TNC: variants seen among roughly 807,000 people sequenced by gnomAD.
The protein encoded by TNC is tenascin C, also known as tenascin.
Under a neutral mutation model 202.4 loss-of-function variants are expected in TNC, and 109 were observed. The observed-to-expected ratio is 0.54, with a 90% confidence interval of 0.46 to 0.63. TNC has a LOEUF of 0.63. TNC is among the 30% of genes least tolerant of loss of function. The probability of loss-of-function intolerance (pLI) is 0.00; values close to 1 mark genes in which losing one functional copy is unlikely to be tolerated. For synonymous variants in TNC, 1,007 were observed against 1,089.7 expected (o/e 0.92, Z 1.50); for missense variants, 2,756 against 2,833.3 (o/e 0.97, Z 0.62).
At position 115,079,588 on chromosome 9, in the gene TNC, G is replaced by A. The variant is rs558392983; in HGVS notation, c.2405-1376C>T. Among the ~76,000 whole-genome samples, 3 of 152,318 alleles carry A rather than the reference G, an allele frequency of 2.0e-5. No individual in the cohort carries two copies. In the East Asian group the frequency reaches 5.8e-4, roughly 29 times the overall value. ...CTAGATTTGGGACCCTTGAATAGCAGAAACTAACAATGCTCTGTATTTATC... is the reference window on the plus strand; with the variant it reads ...CTAGATTTGGGACCCTTGAATAGCAAAAACTAACAATGCTCTGTATTTATC... On this transcript the variant is annotated intron_variant, in intron 6 of 27. Coordinates refer to ENST00000350763, the MANE Select transcript of TNC (RefSeq NM_002160.4).
rs901278565 is a variant in TNC at position 115,044,253 on chromosome 9, A to G, written c.5126-1912T>C. Among the ~76,000 whole-genome samples the G allele has an allele frequency of 1.9e-4, 27 of 140,662 alleles. 5 individuals carry two copies. Among genetic ancestry groups the G allele is most frequent in the Admixed American group, 1.9e-3 (27 of 14,080 alleles). 92.3% of individuals were successfully genotyped at this position (140,662 alleles called of 152,430 possible). A position where few individuals can be genotyped will look rare whatever the true frequency, so the allele number is the denominator to read the frequency against. On this transcript the variant is annotated intron_variant, in intron 17 of 27. Transcript: ENST00000350763. Reference sequence around the variant, plus strand: ...GTATGAGGGAGGAAGAGAGGAGAGGAGAAAGGATTAAAAAAAAAAAACAAA... The same window carrying G: ...GTATGAGGGAGGAAGAGAGGAGAGGGGAAAGGATTAAAAAAAAAAAACAAA...
In TNC at chr9:115,057,336, C is replaced by G. The variant is rs146044349; in HGVS notation, c.4396G>C (p.Glu1466Gln). 1.9e-6 allele frequency: 3 copies of G among 1,613,944 alleles called. No homozygotes were observed. The highest frequency in any genetic ancestry group is 2.7e-5 in the African/African-American group (2 of 74,880). The part of the protein sequence containing the change: ...LSWMATDGIF[E>Q]TFTIEIIDSN... ...TCAATAATTTCAATGGTAAAGGTCT[C>G]GAAGATCCCATCGGTAGCCATCCAG... The change falls in exon 15 of 28, where the codon GAG becomes CAG. Residue 1466 changes from glutamate to glutamine, a missense_variant. Transcript: ENST00000350763.
intron 1 of TNC, among the ~76,000 whole-genome samples, chr9:115,113,058 T>C (rs1479172376): frequency 1.3e-5 from 2 of 152,226 alleles, no homozygotes; most frequent in Non-Finnish European, 2.9e-5. Flanking sequence ...ATGGGTCACA[T>C]GCTAATCATT....
At chr9:115,057,122 G>A (rs754643441) in intron 15 of TNC, 31 bp downstream of exon 15, 9 of 1,584,644 alleles carry the variant, frequency 5.7e-6, no homozygotes, top group Non-Finnish European at 5.1e-6. Context: ...TGTGGAGAGA[G>A]TGCGTTAGAA....
intron 1 of TNC, among the ~76,000 whole-genome samples, chr9:115,110,424 G>A (rs1435854756): frequency 6.8e-6 from 1 of 147,736 alleles, no homozygotes; most frequent in East Asian, 1.9e-4. Flanking sequence ...CTGGGTTGCT[G>A]GGGGCCAGTG....
intron 1 of TNC, among the ~76,000 whole-genome samples, chr9:115,099,244 T>C (rs183627463): frequency 1.3e-5 from 2 of 152,274 alleles, no homozygotes; most frequent in East Asian, 1.9e-4. Flanking sequence ...GAACGGGCTA[T>C]GGGATAGCCT....
chr9:115,100,113 T>A (rs1362596745), intron 1 of TNC, among the ~76,000 whole-genome samples: 1 of 152,188 alleles, frequency 6.6e-6, no homozygotes, highest in African/African-American at 2.4e-5. Context: ...GCCAGGGCTT[T>A]CTACTGAATA....
At chr9:115,104,553 C>T (rs1014784807) in intron 1 of TNC, among the ~76,000 whole-genome samples, 3 of 152,316 alleles carry the variant, frequency 2.0e-5, no homozygotes, top group African/African-American at 4.8e-5. Context: ...GGACAACGTC[C>T]TATACCTTCT....
intron 21 of TNC, chr9:115,035,634 G>A (rs187227543): frequency 3.3e-6 from 1 of 303,316 alleles, no homozygotes. Context: ...TAAGAGGATG[G>A]ATGAATGCTA....
At chr9:115,111,399 C>CTTTTTTTTTTTTTTTTTTTT (rs71375272) in intron 1 of TNC, among the ~76,000 whole-genome samples, 2 of 71,342 alleles carry the variant, frequency 2.8e-5, no homozygotes, top group African/African-American at 1.2e-4. Flanking sequence ...CTCTCTCTCT[C>CTTTTTTTTTTTTTTTTTTTT]TTTTTTTTTT....
At chr9:115,023,913 C>A in intron 27 of TNC, 60 bp downstream of exon 27, 1 of 1,561,424 alleles carries the variant, frequency 6.4e-7, no homozygotes, top group Non-Finnish European at 8.8e-7. Context: ...AATTGTACTT[C>A]CATTAGCCCC....
Position 115,035,213 on chromosome 9 carries a change from G to T in TNC, c.5778C>A (p.Gly1926=). 6.2e-7 allele frequency: 1 copy of T among 1,611,688 alleles called. No homozygotes were observed. Among genetic ancestry groups the T allele is most frequent in the Non-Finnish European group, 8.5e-7 (1 of 1,179,054 alleles). The change falls in exon 22 of 28, where the codon GGC becomes GGA. Residue 1926 remains glycine (G), a synonymous_variant. Transcript: ENST00000350763. Reference sequence around the variant, plus strand: ...TATATACTTAAAATACCTTGACTGTGCCATCCACTGATTCATAGACCAGCA... The same window carrying T: ...TATATACTTAAAATACCTTGACTGTTCCATCCACTGATTCATAGACCAGCA... ...GYLLVYESVD[G]TVKEVIVGPD... is the part of the protein sequence containing the mutation.
At chr9:115,053,951 C>T (rs17819305) in intron 15 of TNC, among the ~76,000 whole-genome samples, 8,442 of 152,254 alleles carry the variant, frequency 0.055, 349 homozygotes, top group Non-Finnish European at 0.09. Context: ...AAAGTCTAGA[C>T]ATTCAGTTTT....
chr9:115,036,062 A>C (rs757425817), intron 21 of TNC, 36 bp downstream of exon 21: 4 of 1,612,774 alleles, frequency 2.5e-6, no homozygotes, highest in Non-Finnish European at 3.4e-6. Flanking sequence ...TGGGCACCCC[A>C]GAAGGGAGAG....
intron 1 of TNC, among the ~76,000 whole-genome samples, chr9:115,091,582 T>C (rs1464046103): frequency 6.6e-6 from 1 of 152,238 alleles, no homozygotes; most frequent in Non-Finnish European, 1.5e-5. Context: ...CTTCAGTATT[T>C]ACTATGTCTT....
At chr9:115,062,626 T>C (rs1005393190) in intron 13 of TNC, among the ~76,000 whole-genome samples, 8 of 147,158 alleles carry the variant, frequency 5.4e-5, no homozygotes, top group Non-Finnish European at 1.0e-4. Flanking sequence ...AAAAAAAAAG[T>C]ATATATCTAT....
chr9:115,058,811 A>T (rs527609713), intron 14 of TNC, among the ~76,000 whole-genome samples: 2 of 152,340 alleles, frequency 1.3e-5, no homozygotes, highest in South Asian at 2.1e-4. Context: ...GGCACATAAT[A>T]AAGATGAGCA....
chr9:115,084,469 G>A lies in TNC; in HGVS notation c.1871C>T (p.Ser624Phe). 1 of 1,613,816 alleles carries A rather than the reference G, an allele frequency of 6.2e-7. No homozygotes were observed. The change falls in exon 4 of 28, where the codon TCT becomes TTT. Residue 624 changes from serine (S) to phenylalanine (F), a missense_variant. Ser to Phe is a radical substitution (Grantham distance 155). Coordinates refer to ENST00000350763, the MANE Select transcript of TNC (RefSeq NM_002160.4). ...GYSGEDCSEVSPPKDLVVTEV... is the reference protein window; with the variant it reads ...GYSGEDCSEVFPPKDLVVTEV... ...TGTCACAACGAGGTCTTTGGGAGGA[G>A]ACACTGGCAGGAATAAGAAAGGACA...
At chr9:115,090,501 C>T in intron 2 of TNC, 61 bp downstream of exon 2, 1 of 1,361,096 alleles carries the variant, frequency 7.3e-7, no homozygotes, top group Non-Finnish European at 1.0e-6. Context: ...ATGGATGCTG[C>T]TATGCTCTTC....
Sources: gnomAD v4.1 joint callset for allele counts (sites outside exome capture counted in the v4.1 genomes callset) on GRCh38, gnomAD v4.1.1 for gene constraint, MANE v1.5 for transcripts, NCBI Gene and HGNC (gene_info 2026-07-23, HGNC 2026-07-21) for gene names.